Variants in LAMA3 observed in about 807,000 individuals in gnomAD.
LAMA3 encodes laminin subunit alpha 3.
Under a neutral mutation model 402.0 loss-of-function variants are expected in LAMA3, and 281 were observed. The observed-to-expected ratio is 0.70, with a 90% CI of 0.63 to 0.77. LAMA3 has a LOEUF of 0.77. LAMA3 is among the 30% of genes least tolerant of loss of function. LAMA3 has a pLI of 0.00. For synonymous variants in LAMA3, 1,431 were observed against 1,558.4 expected, an observed-to-expected ratio of 0.92 and a Z score of 1.93; for missense variants, 3,840 against 4,215.5, an observed-to-expected ratio of 0.91 and a Z score of 2.47.
At chr18:23,752,913 T>A (rs1289450805) in intron 5 of LAMA3, among the ~76,000 whole-genome samples, 1 of 152,226 alleles carries the variant, frequency 6.6e-6, no homozygotes, top group Non-Finnish European at 1.5e-5. Flanking sequence ...ATGGCCTCAA[T>A]GAGAAAGATT....
At chr18:23,813,964 A>T (rs1026370272) in intron 14 of LAMA3, among the ~76,000 whole-genome samples, 2 of 152,174 alleles carry the variant, frequency 1.3e-5, no homozygotes, top group African/African-American at 2.4e-5. Flanking sequence ...TCCTTCCCAT[A>T]AGCCTTGATG....
At chr18:23,824,684 C>A in intron 21 of LAMA3, 119 bp downstream of exon 21, 1 of 1,164,894 alleles carries the variant, frequency 8.6e-7, no homozygotes, top group Non-Finnish European at 1.3e-6. Context: ...TGGTTTTAGA[C>A]ACAGGAACAA....
chr18:23,737,917 A>C (rs1306625932), intron 2 of LAMA3, among the ~76,000 whole-genome samples: 1 of 152,206 alleles, frequency 6.6e-6, no homozygotes, highest in Admixed American at 6.5e-5. Context: ...CGGAGGCCTG[A>C]GCTTAAGTAG....
chr18:23,923,634 G>A (rs759081311), intron 62 of LAMA3, among the ~76,000 whole-genome samples: 4 of 152,272 alleles, frequency 2.6e-5, no homozygotes, highest in East Asian at 1.9e-4. Flanking sequence ...ACAAGCAGGC[G>A]CACAAAATGG....
intron 2 of LAMA3, among the ~76,000 whole-genome samples, chr18:23,731,462 G>T (rs1354061020): frequency 1.3e-5 from 2 of 152,154 alleles, no homozygotes; most frequent in Admixed American, 1.3e-4. Flanking sequence ...GAAATTCTTT[G>T]CTCAATGTAT....
chr18:23,861,450 C>A (rs1170827046), intron 34 of LAMA3, among the ~76,000 whole-genome samples, 196 bp from the exon 35 acceptor site: 1 of 152,210 alleles, frequency 6.6e-6, no homozygotes, highest in Non-Finnish European at 1.5e-5. Flanking sequence ...AGGCCACTGC[C>A]TTCCCAGAAC....
intron 2 of LAMA3, among the ~76,000 whole-genome samples, chr18:23,721,613 C>T (rs549693940): frequency 2.0e-5 from 3 of 152,298 alleles, no homozygotes; most frequent in East Asian, 1.9e-4. Flanking sequence ...ATATCTCTCT[C>T]GGTCTCTTCC....
chr18:23,847,137 C>T (rs535727381), intron 31 of LAMA3, among the ~76,000 whole-genome samples: 3 of 152,290 alleles, frequency 2.0e-5, no homozygotes, highest in Admixed American at 6.5e-5. Context: ...GATGTGGAGC[C>T]ACTTCAGGGA....
At chr18:23,789,986 T>A (rs904548310) in intron 12 of LAMA3, among the ~76,000 whole-genome samples, 3 of 152,232 alleles carry the variant, frequency 2.0e-5, no homozygotes, top group Admixed American at 2.0e-4. Flanking sequence ...GATCACATAA[T>A]GTGCATTTGA....
At chr18:23,778,533 G>A (rs2143935235) in intron 11 of LAMA3, among the ~76,000 whole-genome samples, 1 of 152,308 alleles carries the variant, frequency 6.6e-6, no homozygotes, top group East Asian at 1.9e-4. Context: ...CCTCTGCGCT[G>A]GGTTCCAGAG....
intron 2 of LAMA3, among the ~76,000 whole-genome samples, chr18:23,721,998 T>A (rs1247898422): frequency 6.6e-6 from 1 of 152,250 alleles, no homozygotes; most frequent in East Asian, 1.9e-4. Context: ...AGTGGTTTTC[T>A]ATTACTTTTG....
chr18:23,836,033 A>G (rs1467822655), intron 24 of LAMA3, among the ~76,000 whole-genome samples: 2 of 152,168 alleles, frequency 1.3e-5, no homozygotes, highest in African/African-American at 2.4e-5. Context: ...GGATAAGGAT[A>G]AAACTAAGTA....
intron 31 of LAMA3, 95 bp from the exon 32 acceptor site, chr18:23,847,369 T>G: frequency 7.6e-7 from 1 of 1,320,892 alleles, no homozygotes; most frequent in Non-Finnish European, 1.1e-6. Flanking sequence ...CTCTGACCCT[T>G]TGGAGGCTTC....
chr18:23,792,069 T>G (rs1268634217), intron 12 of LAMA3, among the ~76,000 whole-genome samples: 1 of 152,116 alleles, frequency 6.6e-6, no homozygotes, highest in African/African-American at 2.4e-5. Context: ...CTCAAAGGAT[T>G]ATGAAAATGT....
At chr18:23,807,401 A>G (rs1016029657) in intron 12 of LAMA3, among the ~76,000 whole-genome samples, 3 of 152,174 alleles carry the variant, frequency 2.0e-5, no homozygotes, top group African/African-American at 7.2e-5. Flanking sequence ...ATAGATAGAT[A>G]GGTACGTAGA....
intron 7 of LAMA3, 105 bp downstream of exon 7, chr18:23,758,616 G>A: frequency 1.2e-6 from 1 of 815,196 alleles, no homozygotes; most frequent in Non-Finnish European, 2.0e-6. Flanking sequence ...GGTCATGTCA[G>A]TGTTAGGGGC....
rs8093042 is a variant in LAMA3, at chr18:23,861,520, G to A, written c.4423-126G>A. 0.074 allele frequency: 71,873 copies of A among 974,084 alleles called. 8,542 individuals carry two copies. Among genetic ancestry groups the A allele is most frequent in the African/African-American group, 0.42 (26,350 of 62,624 alleles). The allele number at this position is 974,084 out of a possible 1,614,324, so 60.3% of individuals were successfully genotyped here. A position where few individuals can be genotyped will look rare whatever the true frequency, so the allele number is the denominator to read the frequency against. On this transcript the variant is annotated intron_variant, in intron 34 of 74. Coordinates refer to ENST00000313654, the MANE Select transcript of LAMA3 (RefSeq NM_198129.4). ...CGGGAGGGCAGGTGCAGGAGTAGAC[G>A]CATAAAGGAGGCCTCTGAGGCAAGG...
intron 27 of LAMA3, among the ~76,000 whole-genome samples, chr18:23,841,929 A>G (rs535650926): frequency 6.6e-6 from 1 of 152,284 alleles, no homozygotes; most frequent in South Asian, 2.1e-4. Context: ...CCCTTAAAAA[A>G]AAAATGGAGT....
rs1568293077 is a variant in LAMA3, at chr18:23,881,929, TC to T, written c.5113-3del. ...TGCTGTGAATTGTGCTGTTCACCTG[TC>T]CCCAGAACTGTCAGCACAACACCGC... is the stretch of plus-strand genomic sequence containing the variant. On this transcript the variant is annotated splice_polypyrimidine_tract_variant and splice_region_variant and intron_variant, in intron 39 of 74. Coordinates refer to ENST00000313654, the MANE Select transcript of LAMA3 (RefSeq NM_198129.4). 1 of 1,597,396 alleles carries T rather than the reference TC, an allele frequency of 6.3e-7. No homozygotes were observed. The highest frequency in any genetic ancestry group is 8.6e-7 in the Non-Finnish European group (1 of 1,164,936).
Sources: gnomAD v4.1 joint callset for allele counts (sites outside exome capture counted in the v4.1 genomes callset) on GRCh38, gnomAD v4.1.1 for gene constraint, MANE v1.5 for transcripts, NCBI Gene and HGNC (gene_info 2026-07-23, HGNC 2026-07-21) for gene names.